LNX2: variants seen among roughly 807,000 people sequenced by gnomAD.
The protein encoded by LNX2 is ligand of Numb protein X 2.
Under a neutral mutation model 66.2 loss-of-function variants are expected in LNX2, and 35 were observed. The observed-to-expected ratio is 0.53, with a 90% confidence interval of 0.40 to 0.70. The LOEUF is 0.70. Ranked by LOEUF, LNX2 falls within the 30% of genes least tolerant of loss-of-function variation. LNX2 has a pLI of 0.00. For synonymous variants in LNX2, 337 were observed against 315.6 expected (o/e 1.07, Z -0.72); for missense variants, 791 against 850.8 (o/e 0.93, Z 0.87).
intron 2 of LNX2, among the ~76,000 whole-genome samples, chr13:27,573,236 C>T (rs895627710): frequency 6.6e-5 from 10 of 152,158 alleles, no homozygotes; most frequent in Non-Finnish European, 1.5e-4. Context: ...GAAGAGCAGA[C>T]TGGAGAACCT....
At chr13:27,604,993 T>A (rs1022541343) in intron 1 of LNX2, among the ~76,000 whole-genome samples, 1 of 152,002 alleles carries the variant, frequency 6.6e-6, no homozygotes, top group East Asian at 1.9e-4. Flanking sequence ...TAGATAAGTA[T>A]TACAAGAAGG....
At chr13:27,561,200 T>C (rs979153732) in intron 5 of LNX2, among the ~76,000 whole-genome samples, 2 of 152,232 alleles carry the variant, frequency 1.3e-5, no homozygotes, top group African/African-American at 4.8e-5. Flanking sequence ...ACATTTTGGT[T>C]AGAAATTTAG....
intron 1 of LNX2, among the ~76,000 whole-genome samples, chr13:27,594,036 T>C (rs1955572323): frequency 6.6e-6 from 1 of 152,168 alleles, no homozygotes; most frequent in Non-Finnish European, 1.5e-5. Context: ...CTGATTTACA[T>C]TATAAAACTG....
chr13:27,586,944 G>A (rs1418188328), intron 1 of LNX2, among the ~76,000 whole-genome samples: 1 of 152,118 alleles, frequency 6.6e-6, no homozygotes, highest in African/African-American at 2.4e-5. Flanking sequence ...GATCTTCCTG[G>A]TTTAAGGGAT....
At chr13:27,613,840 G>A (rs923116602) in intron 1 of LNX2, among the ~76,000 whole-genome samples, 4 of 152,156 alleles carry the variant, frequency 2.6e-5, no homozygotes, top group East Asian at 1.9e-4. Flanking sequence ...TTAACTACTC[G>A]AATGAATGTC....
intron 1 of LNX2, among the ~76,000 whole-genome samples, chr13:27,618,179 C>T (rs998813280): frequency 3.3e-5 from 5 of 152,204 alleles, no homozygotes; most frequent in Non-Finnish European, 7.3e-5. Flanking sequence ...CCTCCTTAAG[C>T]CTACCCAGTC....
intron 1 of LNX2, among the ~76,000 whole-genome samples, chr13:27,602,819 T>C (rs907782316): frequency 1.3e-5 from 2 of 152,206 alleles, no homozygotes; most frequent in African/African-American, 4.8e-5. Context: ...TTGCTCCATA[T>C]TCTTTGTCAA....
intron 9 of LNX2, among the ~76,000 whole-genome samples, 152 bp downstream of exon 9, chr13:27,550,178 GAGA>G (rs1419267953): frequency 1.3e-5 from 2 of 152,220 alleles, no homozygotes; most frequent in Admixed American, 6.5e-5. Flanking sequence ...GTGGGAGCCA[GAGA>G]GTACATAAAC....
At chr13:27,555,157 CAG>C (rs2138322375) in intron 7 of LNX2, among the ~76,000 whole-genome samples, 1 of 152,280 alleles carries the variant, frequency 6.6e-6, no homozygotes, top group Non-Finnish European at 1.5e-5. Context: ...CCATATTGCC[CAG>C]ACTGTTCTCA....
At chr13:27,597,014 C>T (rs1052456115) in intron 1 of LNX2, among the ~76,000 whole-genome samples, 1 of 152,172 alleles carries the variant, frequency 6.6e-6, no homozygotes, top group Non-Finnish European at 1.5e-5. Flanking sequence ...TGTTAGCCTC[C>T]CTGTTTTCTC....
Position 27,583,220 on chromosome 13 carries a change from G to GCGCGCGCGTCCTCTCCTATATAAC in LNX2, c.-100-1418_-100-1417insGTTATATAGGAGAGGACGCGCGCG, listed in dbSNP as rs1416930539. Among the ~76,000 whole-genome samples the GCGCGCGCGTCCTCTCCTATATAAC allele has an allele frequency of 3.5e-3, 64 of 18,426 alleles. 8 individuals are homozygous for GCGCGCGCGTCCTCTCCTATATAAC. Among genetic ancestry groups the GCGCGCGCGTCCTCTCCTATATAAC allele is most frequent in the African/African-American group, 0.018 (26 of 1,478 alleles). 12.1% of individuals were successfully genotyped at this position (18,426 alleles called of 152,430 possible). On this transcript the variant is annotated intron_variant, in intron 1 of 9. Transcript: ENST00000316334. ...TGTGTGTGTGTGTGTGTGTGTGTGTGTGTGTGTGTGTGTGTGTGTGTGTGT... is the reference window on the plus strand; with the variant it reads ...TGTGTGTGTGTGTGTGTGTGTGTGTGCGCGCGCGTCCTCTCCTATATAACTGTGTGTGTGTGTGTGTGTGTGTGT...
At position 27,583,243 on chromosome 13, in the gene LNX2, TGTGTGTGTGTGTGCGCGC is replaced by T. The variant is rs1566124831; in HGVS notation, c.-100-1458_-100-1441del. ...GTGTGTGTGTGTGTGTGTGTGTGTG[TGTGTGTGTGTGTGCGCGC>T]GTCCTCTCCAACATACTTATTTTTA... On this transcript the variant is annotated intron_variant, in intron 1 of 9. Transcript: ENST00000316334. 4.6e-4 allele frequency among the ~76,000 whole-genome samples: 10 copies of T among 21,678 alleles called. 2 individuals are homozygous for T. The highest frequency in any genetic ancestry group is 7.8e-4 in the Non-Finnish European group (9 of 11,512). The allele number at this position is 21,678 out of a possible 152,430, so 14.2% of individuals were successfully genotyped here.
rs1954940867 is a variant in LNX2 at position 27,546,502 on chromosome 13, G to C, written c.*1833C>G. The C allele has an allele frequency of 6.6e-6, 1 of 152,158 alleles. No homozygotes were observed. Among genetic ancestry groups the C allele is most frequent in the Admixed American group, 6.5e-5 (1 of 15,276 alleles). 9.4% of individuals were successfully genotyped at this position (152,158 alleles called of 1,614,324 possible). ...TCTTGTTATATGTTGATCATACAGT[G>C]TAACTAAGGGGTTGAACAAGTCAGT... On this transcript the variant is annotated 3_prime_UTR_variant, in exon 10 of 10. Transcript: ENST00000316334.
At chr13:27,560,051 CAGT>C in intron 5 of LNX2, 66 bp from the exon 6 acceptor site, 1 of 1,369,448 alleles carries the variant, frequency 7.3e-7, no homozygotes, top group Non-Finnish European at 9.8e-7. Context: ...AGATTACACA[CAGT>C]GTAATTTTCA....
chr13:27,600,041 G>A (rs1955640244), intron 1 of LNX2, among the ~76,000 whole-genome samples: 1 of 152,120 alleles, frequency 6.6e-6, no homozygotes, highest in Non-Finnish European at 1.5e-5. Flanking sequence ...ATAACTAACA[G>A]GCACATCAGT....
chr13:27,596,739 A>T (rs779114002), intron 1 of LNX2, among the ~76,000 whole-genome samples: 2 of 152,198 alleles, frequency 1.3e-5, no homozygotes, highest in Non-Finnish European at 2.9e-5. Flanking sequence ...ATGAAAATAT[A>T]CCTTTGTCTA....
chr13:27,553,172 A>G, intron 8 of LNX2, 36 bp downstream of exon 8: 1 of 1,548,862 alleles, frequency 6.5e-7, no homozygotes, highest in Non-Finnish European at 8.9e-7. Flanking sequence ...AAGCATGATT[A>G]TGATTTCCAT....
chr13:27,587,740 C>T (rs1021829924), intron 1 of LNX2, among the ~76,000 whole-genome samples: 2 of 152,098 alleles, frequency 1.3e-5, no homozygotes, highest in Non-Finnish European at 2.9e-5. Context: ...GCAGTGCTGT[C>T]GCCAGGCGCG....
At chr13:27,575,759 G>A (rs1172284932) in intron 2 of LNX2, among the ~76,000 whole-genome samples, 3 of 152,126 alleles carry the variant, frequency 2.0e-5, no homozygotes, top group African/African-American at 7.2e-5. Context: ...TAATTCATTA[G>A]TGAAAATGAA....
Sources: gnomAD v4.1 joint callset for allele counts (sites outside exome capture counted in the v4.1 genomes callset) on GRCh38, gnomAD v4.1.1 for gene constraint, MANE v1.5 for transcripts, NCBI Gene and HGNC (gene_info 2026-07-23, HGNC 2026-07-21) for gene names.